The following PCSK5 variants were observed in gnomAD, a reference collection of about 807,000 sequenced individuals.
PCSK5 encodes proprotein convertase subtilisin/kexin type 5.
In PCSK5, 129 loss-of-function variants were observed where a neutral mutation model predicts 233.2. The observed-to-expected ratio is 0.55, with a 90% CI of 0.48 to 0.64. PCSK5 has a LOEUF of 0.64. Among genes scored for constraint, PCSK5 ranks in the 30% least tolerant of loss-of-function variants. PCSK5 has a pLI of 0.00. For missense variants in PCSK5, 2,076 were observed against 2,430.1 expected, an observed-to-expected ratio of 0.85 and a Z score of 3.06; for synonymous variants, 825 against 879.2, an observed-to-expected ratio of 0.94 and a Z score of 1.09.
rs1421959773 is a variant in PCSK5 at position 76,239,186 on chromosome 9, T to C, written c.3073+21T>C. 2.6e-6 allele frequency: 4 copies of C among 1,533,018 alleles called. No homozygotes were observed. The South Asian group carries it at 4.8e-5, about 18-fold the overall frequency. The allele number at this position is 1,533,018 out of a possible 1,614,324, so 95.0% of individuals were successfully genotyped here. A position where few individuals can be genotyped will look rare whatever the true frequency, so the allele number is the denominator to read the frequency against. ...ACAAGGTAAGCCTGCTCCTGGGCCC[T>C]TGCCCAGCACCCGAACATGGGAGGA... On this transcript the variant is annotated intron_variant, in intron 23 of 37. Transcript: ENST00000674117.
intron 17 of PCSK5, among the ~76,000 whole-genome samples, chr9:76,186,471 C>A (rs1244950571): frequency 6.6e-6 from 1 of 152,140 alleles, no homozygotes; most frequent in African/African-American, 2.4e-5. Flanking sequence ...GCCATGTGTG[C>A]CAGATTATGT....
At chr9:76,076,289 G>A (rs1373215395) in intron 7 of PCSK5, among the ~76,000 whole-genome samples, 1 of 151,610 alleles carries the variant, frequency 6.6e-6, no homozygotes, top group Admixed American at 6.6e-5. Context: ...GGCCAGCTCA[G>A]CAAGGCTTTC....
intron 25 of PCSK5, among the ~76,000 whole-genome samples, chr9:76,293,308 A>G (rs1053236406): frequency 2.6e-5 from 4 of 152,246 alleles, no homozygotes; most frequent in African/African-American, 9.6e-5. Flanking sequence ...CAACAAGCTG[A>G]AACATACTAA....
chr9:76,173,496 C>CTTTTTTTTTTTTTTTTTTTTTTTTT lies in PCSK5; in HGVS notation c.1757-1478_1757-1454dup, dbSNP rs59248860. On this transcript the variant is annotated intron_variant, in intron 13 of 37. Coordinates refer to ENST00000674117, the MANE Select transcript of PCSK5 (RefSeq NM_001372043.1). ...CTTTAATGAAATGGAGGCACGTTTCCTTTTTTTTTTTTTTTTTTTTTTTTT... is the reference window on the plus strand; with the variant it reads ...CTTTAATGAAATGGAGGCACGTTTCCTTTTTTTTTTTTTTTTTTTTTTTTTTTTTTTTTTTTTTTTTTTTTTTTTT... Among the ~76,000 whole-genome samples, 139 of 60,992 alleles carry CTTTTTTTTTTTTTTTTTTTTTTTTT rather than the reference C, an allele frequency of 2.3e-3. 25 individuals are homozygous for CTTTTTTTTTTTTTTTTTTTTTTTTT. Among genetic ancestry groups the CTTTTTTTTTTTTTTTTTTTTTTTTT allele is most frequent in the Non-Finnish European group, 2.9e-3 (88 of 30,124 alleles). The allele number at this position is 60,992 out of a possible 152,430, so 40.0% of individuals were successfully genotyped here. A position where few individuals can be genotyped will look rare whatever the true frequency, so the allele number is the denominator to read the frequency against.
At chr9:76,173,418 T>C (rs1587715825) in intron 13 of PCSK5, among the ~76,000 whole-genome samples, 1 of 151,432 alleles carries the variant, frequency 6.6e-6, no homozygotes, top group East Asian at 1.9e-4. Context: ...GTAATGGTTT[T>C]GTCTTAATCA....
At chr9:76,170,271 G>A (rs903829926) in intron 13 of PCSK5, among the ~76,000 whole-genome samples, 6 of 140,540 alleles carry the variant, frequency 4.3e-5, no homozygotes, top group Admixed American at 1.6e-4. Flanking sequence ...CATTGAGCTC[G>A]GCCCATGCCA....
chr9:75,965,530 C>G (rs1825546687), intron 2 of PCSK5, among the ~76,000 whole-genome samples: 1 of 152,102 alleles, frequency 6.6e-6, no homozygotes. Context: ...ATGCATCCTC[C>G]CTTCTTCTGC....
chr9:76,327,548 G>A (rs563942262), intron 32 of PCSK5, among the ~76,000 whole-genome samples: 1 of 152,254 alleles, frequency 6.6e-6, no homozygotes, highest in Admixed American at 6.5e-5. Flanking sequence ...AAATGCAAAA[G>A]GGACCTTTAT....
chr9:76,057,924 A>G (rs558323161), intron 5 of PCSK5, among the ~76,000 whole-genome samples: 1 of 146,908 alleles, frequency 6.8e-6, no homozygotes, highest in Admixed American at 7.1e-5. Context: ...GCATCCATGA[A>G]CTCCTGGGCT....
At chr9:76,022,936 G>A (rs1828261366) in intron 3 of PCSK5, among the ~76,000 whole-genome samples, 1 of 152,162 alleles carries the variant, frequency 6.6e-6, no homozygotes, top group African/African-American at 2.4e-5. Flanking sequence ...TGGAGAACCT[G>A]TTATTTTTTT....
chr9:76,075,769 T>TA (rs1830622663), intron 7 of PCSK5, among the ~76,000 whole-genome samples: 1 of 152,226 alleles, frequency 6.6e-6, no homozygotes, highest in Non-Finnish European at 1.5e-5. Context: ...TGCAGCAGCC[T>TA]AAAGTCATTC....
chr9:76,034,265 C>T (rs1828763663), intron 5 of PCSK5, among the ~76,000 whole-genome samples: 1 of 152,108 alleles, frequency 6.6e-6, no homozygotes, highest in African/African-American at 2.4e-5. Flanking sequence ...CACAAACCCC[C>T]AGCCACCCAC....
At chr9:76,294,324 T>C (rs1201713539) in intron 25 of PCSK5, among the ~76,000 whole-genome samples, 1 of 152,304 alleles carries the variant, frequency 6.6e-6, no homozygotes, top group East Asian at 1.9e-4. Context: ...AAGCCTGCAA[T>C]TCAGTGGAGT....
At chr9:76,291,174 A>C (rs1489440204) in intron 24 of PCSK5, among the ~76,000 whole-genome samples, 3 of 152,232 alleles carry the variant, frequency 2.0e-5, no homozygotes, top group Non-Finnish European at 4.4e-5. Context: ...TGTGTAGTAC[A>C]CAGGAATATC....
At chr9:76,326,444 G>T (rs1829361473) in intron 32 of PCSK5, among the ~76,000 whole-genome samples, 1 of 151,926 alleles carries the variant, frequency 6.6e-6, no homozygotes, top group Admixed American at 6.6e-5. Flanking sequence ...AAGGACTTTG[G>T]ATCCATTCCA....
At chr9:75,967,650 A>G (rs1300671722) in intron 2 of PCSK5, among the ~76,000 whole-genome samples, 1 of 152,216 alleles carries the variant, frequency 6.6e-6, no homozygotes, top group Non-Finnish European at 1.5e-5. Context: ...GTTGCCTGAT[A>G]GAACATTTTA....
chr9:76,158,915 C>T (rs1034738673), intron 11 of PCSK5, 68 bp from the exon 12 acceptor site: 1 of 1,284,196 alleles, frequency 7.8e-7, no homozygotes, highest in Non-Finnish European at 1.1e-6. Flanking sequence ...TTATTCCATG[C>T]CTCCAGGTTC....
At chr9:76,154,337 G>T (rs912453276) in intron 10 of PCSK5, among the ~76,000 whole-genome samples, 5 of 152,164 alleles carry the variant, frequency 3.3e-5, no homozygotes, top group Admixed American at 2.6e-4. Context: ...AAGTCTCAAG[G>T]TGCTTTTCTA....
chr9:75,958,304 A>G (rs1825183998), intron 2 of PCSK5, among the ~76,000 whole-genome samples: 1 of 152,192 alleles, frequency 6.6e-6, no homozygotes, highest in Non-Finnish European at 1.5e-5. Flanking sequence ...TCCAGGCTCG[A>G]TAGTGTTCAA....
Sources: gnomAD v4.1 joint callset for allele counts (sites outside exome capture counted in the v4.1 genomes callset) on GRCh38, gnomAD v4.1.1 for gene constraint, MANE v1.5 for transcripts, NCBI Gene and HGNC (gene_info 2026-07-23, HGNC 2026-07-21) for gene names.